Variants in TSGA10IP observed in about 807,000 individuals in gnomAD.
The protein encoded by TSGA10IP is testis specific 10 interacting protein, also known as testis-specific protein 10-interacting protein.
A neutral mutation model predicts 63.2 loss-of-function variants in TSGA10IP; 64 were observed. The observed-to-expected ratio is 1.01, with a 90% CI of 0.83 to 1.25. TSGA10IP has a LOEUF of 1.25. Among genes scored for constraint, TSGA10IP ranks in the 50% most tolerant of loss-of-function variants. The pLI is 0.00. For missense variants in TSGA10IP, 681 were observed against 710.1 expected (o/e 0.96, Z 0.47); for synonymous variants, 316 against 298.3 (o/e 1.06, Z -0.61).
At chr11:65,948,173 G>A in intron 4 of TSGA10IP, 25 bp downstream of exon 4, 1 of 1,592,152 alleles carries the variant, frequency 6.3e-7, no homozygotes, top group Non-Finnish European at 8.5e-7. Flanking sequence ...AAGGGAGTGG[G>A]AGCCCAGAAT....
exon 3 of TSGA10IP, chr11:65,947,475 T>C: frequency 6.2e-7 from 1 of 1,613,410 alleles, no homozygotes; most frequent in Non-Finnish European, 8.5e-7. Flanking sequence ...CAGGTCCAGC[T>C]GCAAAGCCTG....
At chr11:65,959,271 G>A in exon 7 of TSGA10IP, 1 of 1,611,238 alleles carries the variant, frequency 6.2e-7, no homozygotes, top group Non-Finnish European at 8.5e-7. Flanking sequence ...GCTGCTGTCT[G>A]AGGCAGGAAA....
chr11:65,947,725 C>T (rs1209494756), exon 3 of TSGA10IP: 1 of 1,594,108 alleles, frequency 6.3e-7, no homozygotes, highest in Non-Finnish European at 8.5e-7. Flanking sequence ...CCAGCTTCAA[C>T]AACCTCCGAA....
exon 1 of TSGA10IP, chr11:65,945,507 C>G: frequency 1.4e-6 from 1 of 715,714 alleles, no homozygotes; most frequent in Admixed American, 2.9e-5. Context: ...CGCTAAATGA[C>G]TCCTGGGCAT....
Position 65,959,713 on chromosome 11 carries a change from A to G in TSGA10IP, c.1548-104A>G, listed in dbSNP as rs1388443235. ...AGAGTCACTTTGCCCAGGATCACAC[A>G]GCAAGCCGGCACTGAAGCAGGGTTT... On this transcript the variant is annotated intron_variant, in intron 7 of 7. Transcript: ENST00000532620. 3 of 1,443,396 alleles carry G rather than the reference A, an allele frequency of 2.1e-6. No individual in the cohort carries two copies. In the African/African-American group the frequency reaches 4.3e-5, roughly 21 times the overall value. The allele number at this position is 1,443,396 out of a possible 1,614,324, so 89.4% of individuals were successfully genotyped here. A position where few individuals can be genotyped will look rare whatever the true frequency, so the allele number is the denominator to read the frequency against.
chr11:65,957,831 G>C (rs1855051298), intron 5 of TSGA10IP, among the ~76,000 whole-genome samples: 1 of 152,216 alleles, frequency 6.6e-6, no homozygotes, highest in East Asian at 1.9e-4. Context: ...ATGCTTCACA[G>C]ATGGATGCCT....
At chr11:65,948,910 G>T (rs1400591316) in intron 4 of TSGA10IP, among the ~76,000 whole-genome samples, 1 of 152,106 alleles carries the variant, frequency 6.6e-6, no homozygotes, top group African/African-American at 2.4e-5. Context: ...GGGAGGCGGA[G>T]GTTGCAGTGA....
rs7927388 is a variant in TSGA10IP at position 65,947,534 on chromosome 11, C to A, written c.709C>A (p.Arg237Ser). ...TCTGAGTTCTGGGGTGCTGCCCCAG[C>A]GCCCCAGGAGGGGGTCGATCTCAGA... Residue 237 changes from arginine (R) to serine (S), a missense_variant, in exon 3 of 8, where the codon CGC (arginine) becomes AGC (serine). Transcript: ENST00000532620. 6,564 of 1,613,574 alleles carry A rather than the reference C, an allele frequency of 4.1e-3. 232 individuals are homozygous for A. In the African/African-American group the frequency reaches 0.078, roughly 19 times the overall value.
chr11:65,945,605 T>C (rs1009553735), exon 1 of TSGA10IP: 2 of 1,559,064 alleles, frequency 1.3e-6, no homozygotes, highest in Non-Finnish European at 1.7e-6. Context: ...CCATTGAGAC[T>C]GGCTGAGGAC....
At chr11:65,945,923 G>A (rs1854823373) in intron 1 of TSGA10IP, 101 bp downstream of exon 1, 10 of 1,413,974 alleles carry the variant, frequency 7.1e-6, no homozygotes, top group Non-Finnish European at 9.6e-6. Context: ...GACCTGAGCT[G>A]AGGTCCAGAT....
intron 5 of TSGA10IP, among the ~76,000 whole-genome samples, chr11:65,955,681 G>C (rs1855012371): frequency 6.6e-6 from 1 of 151,532 alleles, no homozygotes; most frequent in South Asian, 2.1e-4. Context: ...TGCGAAAGGA[G>C]CCCCTGGGGC....
At chr11:65,948,907 G>A (rs1053068096) in intron 4 of TSGA10IP, among the ~76,000 whole-genome samples, 1 of 152,040 alleles carries the variant, frequency 6.6e-6, no homozygotes, top group African/African-American at 2.4e-5. Flanking sequence ...CCTGGGAGGC[G>A]GAGGTTGCAG....
chr11:65,958,840 T>C (rs1175065926), intron 5 of TSGA10IP, 43 bp from the exon 6 acceptor site: 1 of 1,547,344 alleles, frequency 6.5e-7, no homozygotes, highest in Non-Finnish European at 8.9e-7. Flanking sequence ...AGATCAACAG[T>C]TGTGTCCATG....
chr11:65,958,754 T>G, intron 5 of TSGA10IP, 129 bp from the exon 6 acceptor site: 1 of 733,558 alleles, frequency 1.4e-6, no homozygotes, highest in Non-Finnish European at 2.2e-6. Flanking sequence ...AGAATGGGAA[T>G]GAAATAGCTT....
At chr11:65,946,235 C>T (rs1854830222) in intron 1 of TSGA10IP, among the ~76,000 whole-genome samples, 1 of 152,088 alleles carries the variant, frequency 6.6e-6, no homozygotes, top group Non-Finnish European at 1.5e-5. Flanking sequence ...TGTGTGACCT[C>T]AGTTACTCAG....
exon 8 of TSGA10IP, chr11:65,959,838 G>T: frequency 1.9e-6 from 3 of 1,574,304 alleles, no homozygotes; most frequent in Non-Finnish European, 2.6e-6. Flanking sequence ...CAATGGGGGT[G>T]AGAATGGAGC....
intron 4 of TSGA10IP, among the ~76,000 whole-genome samples, chr11:65,952,167 T>C (rs370486946): frequency 2.0e-5 from 3 of 152,288 alleles, no homozygotes; most frequent in East Asian, 1.9e-4. Flanking sequence ...GCCCATTTTT[T>C]GAGTTATTTG....
chr11:65,954,712 G>T (rs1854997011), intron 5 of TSGA10IP, among the ~76,000 whole-genome samples: 1 of 151,992 alleles, frequency 6.6e-6, no homozygotes, highest in Admixed American at 6.6e-5. Context: ...TAGCTATTCG[G>T]GAGGCTGAGG....
At chr11:65,955,280 G>C (rs902114998) in intron 5 of TSGA10IP, among the ~76,000 whole-genome samples, 17 of 151,824 alleles carry the variant, frequency 1.1e-4, no homozygotes, top group African/African-American at 3.9e-4. Context: ...GTAGCCATCT[G>C]GTATCCCCTA....
Sources: gnomAD v4.1 joint callset for allele counts (sites outside exome capture counted in the v4.1 genomes callset) on GRCh38, gnomAD v4.1.1 for gene constraint, MANE v1.5 for transcripts, NCBI Gene and HGNC (gene_info 2026-07-23, HGNC 2026-07-21) for gene names.